DLG2: variants seen among roughly 807,000 people sequenced by gnomAD.
DLG2 encodes discs large MAGUK scaffold protein 2, also known as disks large homolog 2.
Under a neutral mutation model 132.5 loss-of-function variants are expected in DLG2, and 45 were observed. That is an observed-to-expected ratio of 0.34 (90% CI 0.27 to 0.44). DLG2 has a LOEUF of 0.44. Ranked by LOEUF, DLG2 falls within the 20% of genes least tolerant of loss-of-function variation. DLG2 has a pLI of 1.00. For missense variants in DLG2, 1,045 were observed against 1,196.9 expected, an observed-to-expected ratio of 0.87 and a Z score of 1.87; for synonymous variants, 424 against 419.6, an observed-to-expected ratio of 1.01 and a Z score of -0.13.
chr11:85,056,203 A>G (rs2063441172), intron 6 of DLG2, among the ~76,000 whole-genome samples: 1 of 152,108 alleles, frequency 6.6e-6, no homozygotes, highest in African/African-American at 2.4e-5. Context: ...GGTTCAGAAA[A>G]TAAATGGCAT....
At chr11:84,608,355 G>T (rs959161244) in intron 6 of DLG2, among the ~76,000 whole-genome samples, 3 of 152,098 alleles carry the variant, frequency 2.0e-5, no homozygotes, top group African/African-American at 7.2e-5. Flanking sequence ...ATACAGACTT[G>T]ACCTAGGGTA....
chr11:84,124,348 G>A (rs1401226786), intron 9 of DLG2, among the ~76,000 whole-genome samples: 2 of 152,212 alleles, frequency 1.3e-5, no homozygotes, highest in African/African-American at 2.4e-5. Flanking sequence ...GAAAAGAGCA[G>A]ACTCCCCTTA....
chr11:84,867,570 A>C (rs2154034970), intron 6 of DLG2, among the ~76,000 whole-genome samples: 1 of 152,336 alleles, frequency 6.6e-6, no homozygotes, highest in Non-Finnish European at 1.5e-5. Context: ...GATTTGAACA[A>C]AGTAAAAACT....
intron 6 of DLG2, among the ~76,000 whole-genome samples, chr11:84,569,078 G>A (rs1269578231): frequency 6.6e-6 from 1 of 152,114 alleles, no homozygotes; most frequent in Non-Finnish European, 1.5e-5. Flanking sequence ...GCTTTGTAGT[G>A]CCCAGCCAGT....
chr11:85,389,341 T>C (rs2086609103), intron 3 of DLG2, among the ~76,000 whole-genome samples: 3 of 152,082 alleles, frequency 2.0e-5, no homozygotes, highest in Admixed American at 2.0e-4. Flanking sequence ...GAACAAAGCC[T>C]CCAAGAAGTT....
At chr11:83,874,339 G>A in intron 16 of DLG2, 81 bp downstream of exon 16, 2 of 970,664 alleles carry the variant, frequency 2.1e-6, no homozygotes, top group Non-Finnish European at 2.9e-6. Context: ...GAAGGAGAAA[G>A]AGAGACAGAG....
At chr11:85,193,797 G>A (rs189806578) in intron 4 of DLG2, among the ~76,000 whole-genome samples, 7 of 152,178 alleles carry the variant, frequency 4.6e-5, no homozygotes, top group Admixed American at 2.0e-4. Flanking sequence ...TATATGTTTT[G>A]TATATTTTCT....
At chr11:83,781,467 T>C (rs1241889532) in intron 18 of DLG2, among the ~76,000 whole-genome samples, 4 of 152,244 alleles carry the variant, frequency 2.6e-5, no homozygotes, top group Non-Finnish European at 5.9e-5. Flanking sequence ...ACTACACTTA[T>C]GAGTCTCCAG....
chr11:84,899,582 T>A (rs1375144525), intron 6 of DLG2, among the ~76,000 whole-genome samples: 2 of 152,070 alleles, frequency 1.3e-5, no homozygotes, highest in Non-Finnish European at 2.9e-5. Context: ...AAGGACAGTT[T>A]GGAAGCACCA....
At chr11:84,775,745 G>C (rs899061718) in intron 6 of DLG2, among the ~76,000 whole-genome samples, 1 of 152,114 alleles carries the variant, frequency 6.6e-6, no homozygotes, top group African/African-American at 2.4e-5. Flanking sequence ...ACTACTGGAG[G>C]GGGATGGTAC....
At chr11:85,391,965 G>T (rs1039806503) in intron 3 of DLG2, among the ~76,000 whole-genome samples, 6 of 151,962 alleles carry the variant, frequency 3.9e-5, no homozygotes, top group African/African-American at 1.4e-4. Flanking sequence ...AAGAAATAAA[G>T]GGCATCCAAA....
intron 7 of DLG2, among the ~76,000 whole-genome samples, chr11:84,358,858 A>G (rs920106497): frequency 3.3e-5 from 5 of 151,958 alleles, no homozygotes; most frequent in African/African-American, 1.2e-4. Context: ...CTACATACAT[A>G]AAGAAATTGA....
chr11:83,489,965 CTT>C (rs2093745603), intron 21 of DLG2, among the ~76,000 whole-genome samples: 1 of 149,586 alleles, frequency 6.7e-6, no homozygotes, highest in African/African-American at 2.5e-5. Flanking sequence ...GAGATATAAA[CTT>C]AGGATTTTCT....
intron 6 of DLG2, among the ~76,000 whole-genome samples, chr11:84,992,999 A>G (rs1302821424): frequency 1.3e-5 from 2 of 152,218 alleles, no homozygotes; most frequent in African/African-American, 4.8e-5. Flanking sequence ...AGCACTACAT[A>G]CAATAGCAAA....
At chr11:83,491,146 G>GT (rs5793064) in intron 21 of DLG2, among the ~76,000 whole-genome samples, 1,556 of 138,916 alleles carry the variant, frequency 0.011, 7 homozygotes, top group African/African-American at 0.025. Flanking sequence ...TTTTTTTTCT[G>GT]TTTTTTTTTT....
At chr11:84,704,441 C>A (rs990519884) in intron 6 of DLG2, among the ~76,000 whole-genome samples, 1 of 151,504 alleles carries the variant, frequency 6.6e-6, no homozygotes, top group African/African-American at 2.4e-5. Context: ...ATTTATTACT[C>A]TGGGCCCCTA....
intron 19 of DLG2, among the ~76,000 whole-genome samples, chr11:83,600,236 GGTGTGTGTGTGTGTGTGT>G (rs57674131): frequency 2.7e-5 from 4 of 145,512 alleles, no homozygotes; most frequent in African/African-American, 1.0e-4. Flanking sequence ...CTAGCTATAG[GGTGTGTGTGTGTGTGTGT>G]GTGTGTGTGT....
chr11:84,743,213 G>A (rs1411984269), intron 6 of DLG2, among the ~76,000 whole-genome samples: 4 of 151,988 alleles, frequency 2.6e-5, no homozygotes, highest in African/African-American at 9.7e-5. Flanking sequence ...ATTGACATTG[G>A]TGTAAAGAGA....
intron 7 of DLG2, among the ~76,000 whole-genome samples, chr11:84,255,717 C>T (rs974080507): frequency 6.6e-6 from 1 of 152,056 alleles, no homozygotes; most frequent in Non-Finnish European, 1.5e-5. Context: ...CTTTAATATG[C>T]TTTTTTCCAT....
Sources: allele counts gnomAD v4.1 joint callset (sites outside exome capture counted in the v4.1 genomes callset), GRCh38; gene constraint gnomAD v4.1.1; transcripts MANE v1.5; gene names NCBI Gene and HGNC (gene_info 2026-07-23, HGNC 2026-07-21).